The following CMIP variants were observed in gnomAD, a reference collection of about 807,000 sequenced individuals.
CMIP encodes c-Maf inducing protein, also known as C-Maf-inducing protein.
A neutral mutation model predicts 97.3 loss-of-function variants in CMIP; 13 were observed. The ratio of observed to expected loss-of-function variants is 0.13; its 90% CI spans 0.09 to 0.21. CMIP has a LOEUF of 0.21. Ranked by LOEUF, CMIP falls within the 10% of genes least tolerant of loss-of-function variation. CMIP has a pLI of 1.00. For missense variants in CMIP, 847 were observed against 1,024.9 expected (o/e 0.83, Z 2.37); for synonymous variants, 538 against 436.3 (o/e 1.23, Z -2.91).
At position 81,627,225 on chromosome 16, in the gene CMIP, A is replaced by G. The variant is rs7190420; in HGVS notation, c.477+6299A>G. ...GTGTGGCATGTGGGATGACTGTTTT[A>G]TGTGTGTGTGAGTGTGTGTGTGGCC... On this transcript the variant is annotated intron_variant, in intron 3 of 20. Coordinates refer to ENST00000537098, the MANE Select transcript of CMIP (RefSeq NM_198390.3). This position sits in a 1 kb window ranked among gnomAD's most constrained non-coding sequence, Gnocchi z 4.6. Among the ~76,000 whole-genome samples the G allele has an allele frequency of 0.38, 56,135 of 148,766 alleles. 11,692 individuals are homozygous for G. Among genetic ancestry groups the G allele is most frequent in the Non-Finnish European group, 0.48 (32,489 of 67,146 alleles).
At chr16:81,634,921 C>G (rs1431119234) in intron 3 of CMIP, among the ~76,000 whole-genome samples, 1 of 152,156 alleles carries the variant, frequency 6.6e-6, no homozygotes, top group Non-Finnish European at 1.5e-5. Context: ...GAGATGCTAC[C>G]GTCTTGAGGC....
chr16:81,625,057 C>T (rs2092043092), intron 3 of CMIP, among the ~76,000 whole-genome samples: 1 of 152,232 alleles, frequency 6.6e-6, no homozygotes, highest in South Asian at 2.1e-4. Context: ...GAGGATAAGT[C>T]AGTCGCACAA....
rs1395062253 is a variant in CMIP at position 81,614,842 on chromosome 16, A to G, written c.427-6034A>G. 6.7e-6 allele frequency among the ~76,000 whole-genome samples: 1 copy of G among 148,510 alleles called. No individual in the cohort carries two copies. The highest frequency in any genetic ancestry group is 2.5e-5 in the African/African-American group (1 of 39,874). ...GTATGTATATGTGTATACGGTGTGT[A>G]TGCACATGTATCTCTGTGTGTGCAT... On this transcript the variant is annotated intron_variant, in intron 2 of 20. Coordinates refer to ENST00000537098, the MANE Select transcript of CMIP (RefSeq NM_198390.3). This position sits in a 1 kb window ranked among gnomAD's most constrained non-coding sequence, Gnocchi z 5.3.
In CMIP at chr16:81,652,456, C is replaced by G; in HGVS notation, c.639+92C>G. 1.7e-6 allele frequency: 2 copies of G among 1,146,374 alleles called. No individual in the cohort carries two copies. 71.0% of individuals were successfully genotyped at this position (1,146,374 alleles called of 1,614,324 possible). On this transcript the variant is annotated intron_variant, in intron 4 of 20. Transcript: ENST00000537098. The surrounding 1 kb of genome is among the most constrained non-coding windows in gnomAD (Gnocchi z 5.2). ...CCAAGCAGCAGGCGCAGGCAGAGCTCCGTGTGGGCTGTGTTGTTGCCCTGC... is the reference window on the plus strand; with the variant it reads ...CCAAGCAGCAGGCGCAGGCAGAGCTGCGTGTGGGCTGTGTTGTTGCCCTGC...
chr16:81,514,530 G>A (rs2089873961), intron 1 of CMIP, among the ~76,000 whole-genome samples: 1 of 152,172 alleles, frequency 6.6e-6, no homozygotes, highest in African/African-American at 2.4e-5. Context: ...TGCAAAATGG[G>A]TGTACTGTGA....
chr16:81,682,380 C>G (rs1220605959), intron 10 of CMIP, among the ~76,000 whole-genome samples: 1 of 152,136 alleles, frequency 6.6e-6, no homozygotes, highest in African/African-American at 2.4e-5. Context: ...GCCTTACCAA[C>G]ATGGAGAAAC....
Position 81,570,169 on chromosome 16 carries a change from G to GT in CMIP, c.301-37391dup, listed in dbSNP as rs1157345996. On this transcript the variant is annotated intron_variant, in intron 1 of 20. Transcript: ENST00000537098. ...GTGATTTGAGCCAAGGACAGCTGTA[G>GT]TTTTTTTGTGTTTTTTAGAAATTTC... 3.9e-5 allele frequency among the ~76,000 whole-genome samples: 6 copies of GT among 152,144 alleles called. No homozygotes were observed. In the East Asian group the frequency reaches 9.6e-4, roughly 24 times the overall value.
At chr16:81,650,298 A>G (rs2092412810) in intron 3 of CMIP, among the ~76,000 whole-genome samples, 1 of 152,180 alleles carries the variant, frequency 6.6e-6, no homozygotes, top group African/African-American at 2.4e-5. Context: ...TGCTGGGCCT[A>G]TGAGAAGAGC....
At chr16:81,492,148 G>T (rs926592248) in intron 1 of CMIP, among the ~76,000 whole-genome samples, 1 of 152,214 alleles carries the variant, frequency 6.6e-6, no homozygotes, top group South Asian at 2.1e-4. Context: ...GGCCACAGGG[G>T]TATGAACATT....
At chr16:81,503,144 A>G (rs1341556262) in intron 1 of CMIP, among the ~76,000 whole-genome samples, 2 of 152,140 alleles carry the variant, frequency 1.3e-5, no homozygotes, top group Admixed American at 6.5e-5. Context: ...GTTTGTTCTG[A>G]TTTGCCCAAT....
chr16:81,685,829 G>T (rs892733079), intron 10 of CMIP, among the ~76,000 whole-genome samples: 1 of 151,814 alleles, frequency 6.6e-6, no homozygotes, highest in African/African-American at 2.4e-5. Flanking sequence ...CTCCCAAAGT[G>T]CTGGGATTAC....
chr16:81,623,108 G>A (rs910930879), intron 3 of CMIP, among the ~76,000 whole-genome samples: 1 of 152,224 alleles, frequency 6.6e-6, no homozygotes, highest in African/African-American at 2.4e-5. Context: ...GGAGGCTGAG[G>A]TGGGAGGATC....
chr16:81,668,900 A>T (rs1212897193), intron 7 of CMIP, among the ~76,000 whole-genome samples: 2 of 93,366 alleles, frequency 2.1e-5, no homozygotes, highest in African/African-American at 4.2e-5. Flanking sequence ...TACCCACCTC[A>T]CACCTTCCAC....
chr16:81,520,995 G>A (rs1037726500), intron 1 of CMIP, among the ~76,000 whole-genome samples: 1 of 152,164 alleles, frequency 6.6e-6, no homozygotes, highest in Non-Finnish European at 1.5e-5. Flanking sequence ...TCAGAAAAAG[G>A]ACCCCCCGCC....
intron 20 of CMIP, among the ~76,000 whole-genome samples, chr16:81,708,089 C>G (rs532938880): frequency 6.6e-6 from 1 of 152,238 alleles, no homozygotes; most frequent in Non-Finnish European, 1.5e-5. Context: ...AGTCCCCTTC[C>G]GGGGGATAGT....
intron 1 of CMIP, among the ~76,000 whole-genome samples, chr16:81,529,892 C>T (rs2090199341): frequency 6.6e-6 from 1 of 152,160 alleles, no homozygotes; most frequent in Non-Finnish European, 1.5e-5. Context: ...TGGGCTCTGA[C>T]CTCAAGAACT....
At chr16:81,525,977 CGTGTGTGT>C (rs57103908) in intron 1 of CMIP, among the ~76,000 whole-genome samples, 3,476 of 149,660 alleles carry the variant, frequency 0.023, 45 homozygotes, top group Non-Finnish European at 0.032. Context: ...ACTAATAATA[CGTGTGTGT>C]GTGTGTGTGT....
intron 4 of CMIP, among the ~76,000 whole-genome samples, chr16:81,653,862 C>G (rs1292902397): frequency 9.2e-5 from 14 of 152,260 alleles, no homozygotes; most frequent in Admixed American, 9.2e-4. Flanking sequence ...GTCCATCTGC[C>G]TTGGCCTCCC....
intron 3 of CMIP, among the ~76,000 whole-genome samples, chr16:81,642,143 C>G (rs1240404974): frequency 1.3e-5 from 2 of 152,230 alleles, no homozygotes; most frequent in Admixed American, 6.5e-5. Context: ...TCATCAGAAC[C>G]CAGTGTGCGT....
Sources: allele counts gnomAD v4.1 joint callset (sites outside exome capture counted in the v4.1 genomes callset), GRCh38; gene constraint gnomAD v4.1.1; non-coding constraint Gnocchi (gnomAD v3.1); transcripts MANE v1.5; gene names NCBI Gene and HGNC (gene_info 2026-07-23, HGNC 2026-07-21).